Variants in TANC2 observed in about 807,000 individuals in gnomAD.
The protein encoded by TANC2 is protein TANC2.
TANC2 carries 26 observed loss-of-function variants against 210.5 expected under a neutral mutation model. The ratio of observed to expected loss-of-function variants is 0.12; its 90% CI spans 0.09 to 0.17. The LOEUF (loss-of-function observed/expected upper bound fraction) is 0.17. TANC2 is among the 10% of genes least tolerant of loss of function. TANC2 has a pLI of 1.00. For missense variants in TANC2, 2,129 were observed against 2,608.9 expected, an observed-to-expected ratio of 0.82 and a Z score of 4.01; for synonymous variants, 931 against 967.1, an observed-to-expected ratio of 0.96 and a Z score of 0.69.
chr17:63,343,403 C>G (rs1034923141), intron 12 of TANC2, among the ~76,000 whole-genome samples: 2 of 152,190 alleles, frequency 1.3e-5, no homozygotes, highest in African/African-American at 4.8e-5. Flanking sequence ...TAGATGTATG[C>G]ACCTAATAAC....
intron 7 of TANC2, among the ~76,000 whole-genome samples, chr17:63,220,850 G>GTA (rs1567827030): frequency 2.7e-5 from 4 of 148,526 alleles, no homozygotes; most frequent in African/African-American, 4.9e-5. Context: ...GTGTATATAC[G>GTA]TATATACGTA....
intron 2 of TANC2, among the ~76,000 whole-genome samples, chr17:63,043,400 TAC>T (rs1255047583): frequency 6.6e-6 from 1 of 152,108 alleles, no homozygotes; most frequent in Non-Finnish European, 1.5e-5. Flanking sequence ...CCCATATACA[TAC>T]ATATATAAAC....
intron 14 of TANC2, among the ~76,000 whole-genome samples, chr17:63,356,326 C>T (rs1228932204): frequency 1.3e-5 from 2 of 152,168 alleles, no homozygotes; most frequent in East Asian, 3.9e-4. Flanking sequence ...AAGCCGGGTA[C>T]ATTACTGACT....
At chr17:63,372,658 T>G (rs188973127) in intron 14 of TANC2, among the ~76,000 whole-genome samples, 15 of 152,328 alleles carry the variant, frequency 9.8e-5, no homozygotes, top group Admixed American at 6.5e-4. Context: ...TATCTTGTCC[T>G]AGGTTATAAA....
chr17:63,298,595 C>A (rs995736611), intron 9 of TANC2, among the ~76,000 whole-genome samples: 1 of 152,008 alleles, frequency 6.6e-6, no homozygotes, highest in African/African-American at 2.4e-5. Flanking sequence ...TGTTTTGGAA[C>A]TAGATAGAAG....
At chr17:63,338,400 G>T (rs1021373669) in intron 11 of TANC2, among the ~76,000 whole-genome samples, 2 of 152,210 alleles carry the variant, frequency 1.3e-5, no homozygotes, top group African/African-American at 2.4e-5. Flanking sequence ...TCTTTAAAAT[G>T]GTATCTTCTT....
At chr17:63,359,226 A>AT (rs528562592) in intron 14 of TANC2, among the ~76,000 whole-genome samples, 52 of 151,666 alleles carry the variant, frequency 3.4e-4, no homozygotes, top group Admixed American at 2.8e-3. Flanking sequence ...ACCATGCCTA[A>AT]TTTTTTTTGT....
chr17:63,023,134 G>C (rs946788909), intron 2 of TANC2, among the ~76,000 whole-genome samples: 3 of 152,238 alleles, frequency 2.0e-5, no homozygotes, highest in African/African-American at 7.2e-5. Flanking sequence ...GGACTTGGAA[G>C]TGGGGCTGCT....
At chr17:63,425,357 A>G (rs953720022) in exon 28 of TANC2, 5 of 152,234 alleles carry the variant, frequency 3.3e-5, no homozygotes, top group African/African-American at 1.2e-4. Context: ...TAAACAGAAC[A>G]GCTTAGAGAA....
Position 63,352,551 on chromosome 17 carries a change from G to A in TANC2, c.1974+1135G>A, listed in dbSNP as rs139254512. Among the ~76,000 whole-genome samples the A allele has an allele frequency of 1.1e-4, 16 of 152,262 alleles. No individual in the cohort carries two copies. The East Asian group carries it at 2.9e-3, about 28-fold the overall frequency. On this transcript the variant is annotated intron_variant, in intron 13 of 27. Transcript: ENST00000689528. ...ATGAATGAAAGAAACCTCCAGGAAT[G>A]TAATCTCTGACTGCTTTACCAAATG...
At chr17:63,358,376 A>ATATGT (rs1555641222) in intron 14 of TANC2, among the ~76,000 whole-genome samples, 1 of 80,942 alleles carries the variant, frequency 1.2e-5, no homozygotes, top group African/African-American at 3.7e-5. Context: ...AGAGAGAGAG[A>ATATGT]GTATGTGTGT....
chr17:63,210,476 A>T (rs2041851710), intron 7 of TANC2, among the ~76,000 whole-genome samples: 1 of 152,184 alleles, frequency 6.6e-6, no homozygotes. Context: ...CAGTATAGTT[A>T]CTTATAGTTA....
At chr17:63,073,194 A>G (rs186091999) in intron 2 of TANC2, among the ~76,000 whole-genome samples, 1 of 152,092 alleles carries the variant, frequency 6.6e-6, no homozygotes, top group Non-Finnish European at 1.5e-5. Flanking sequence ...ATTTTATATT[A>G]TACTTTACAT....
intron 13 of TANC2, among the ~76,000 whole-genome samples, chr17:63,353,531 TG>T (rs2046685323): frequency 1.3e-5 from 2 of 151,878 alleles, no homozygotes; most frequent in Non-Finnish European, 2.9e-5. Context: ...TCAGGGGAGA[TG>T]ACTAAGCTAG....
intron 11 of TANC2, among the ~76,000 whole-genome samples, chr17:63,336,093 A>G (rs1339159633): frequency 2.6e-5 from 4 of 152,180 alleles, no homozygotes; most frequent in South Asian, 2.1e-4. Context: ...AGAGAAAAGG[A>G]AGAGAGAGTT....
intron 9 of TANC2, among the ~76,000 whole-genome samples, chr17:63,284,538 T>C (rs1005126155): frequency 2.0e-5 from 3 of 152,058 alleles, no homozygotes; most frequent in Non-Finnish European, 4.4e-5. Context: ...TTTACATGTA[T>C]TTATTTCTGG....
At chr17:63,151,699 G>A (rs1033466801) in intron 5 of TANC2, 3 of 152,158 alleles carry the variant, frequency 2.0e-5, no homozygotes, top group African/African-American at 7.2e-5. Flanking sequence ...CTGTGGCCAT[G>A]TGCAAACAGA....
intron 9 of TANC2, among the ~76,000 whole-genome samples, chr17:63,297,257 C>T (rs1051448148): frequency 6.6e-6 from 1 of 152,026 alleles, no homozygotes; most frequent in African/African-American, 2.4e-5. Flanking sequence ...CCTGAATAGC[C>T]AAAATGATAT....
At chr17:62,991,839 G>T (rs189435416) in intron 1 of TANC2, among the ~76,000 whole-genome samples, 1 of 152,166 alleles carries the variant, frequency 6.6e-6, no homozygotes, top group East Asian at 1.9e-4. Flanking sequence ...GGACCCTAAA[G>T]CCTTGATTTT....
Sources: allele counts gnomAD v4.1 joint callset (sites outside exome capture counted in the v4.1 genomes callset), GRCh38; gene constraint gnomAD v4.1.1; transcripts MANE v1.5; gene names NCBI Gene and HGNC (gene_info 2026-07-23, HGNC 2026-07-21).